The following FAM219B variants were observed in gnomAD, a reference collection of about 807,000 sequenced individuals.
FAM219B encodes the protein family with sequence similarity 219 member B.
A neutral mutation model predicts 19.9 loss-of-function variants in FAM219B; 18 were observed. The ratio of observed to expected loss-of-function variants is 0.91; its 90% CI spans 0.63 to 1.34. The LOEUF (loss-of-function observed/expected upper bound fraction) is 1.34. FAM219B is among the 40% of genes most tolerant of loss of function. FAM219B has a pLI of 0.00. For missense variants in FAM219B, 283 were observed against 270.5 expected (o/e 1.05, Z -0.32); for synonymous variants, 123 against 117.5 (o/e 1.05, Z -0.30).
rs894515412 is a variant in FAM219B at position 74,900,840 on chromosome 15, A to T, written c.*1779T>A. On this transcript the variant is annotated 3_prime_UTR_variant, in exon 5 of 5. Coordinates refer to ENST00000357635, the MANE Select transcript of FAM219B (RefSeq NM_020447.5). ...CTGTGATGCTCCTAGCTAGTAGAGT[A>T]AGTCAGCCCCCAGATACTGTATATT... 4 of 152,190 alleles carry T rather than the reference A, an allele frequency of 2.6e-5. No homozygotes were observed. The highest frequency in any genetic ancestry group is 9.7e-5 in the African/African-American group (4 of 41,434). 9.4% of individuals were successfully genotyped at this position (152,190 alleles called of 1,614,324 possible). A position where few individuals can be genotyped will look rare whatever the true frequency, so the allele number is the denominator to read the frequency against.
chr15:74,906,490 C>T (rs1470355153), intron 1 of FAM219B, 97 bp downstream of exon 1: 2 of 1,494,488 alleles, frequency 1.3e-6, no homozygotes, highest in Admixed American at 4.6e-5. Flanking sequence ...AACCCCTTCC[C>T]TCCGGGGCCG....
chr15:74,902,577 G>A lies in FAM219B; in HGVS notation c.*42C>T. The A allele has an allele frequency of 1.3e-6, 2 of 1,557,470 alleles. No individual in the cohort carries two copies. Among genetic ancestry groups the A allele is most frequent in the East Asian group, 2.3e-5 (1 of 44,228 alleles). On this transcript the variant is annotated 3_prime_UTR_variant, in exon 5 of 5. Transcript: ENST00000357635. ...AGCTATGAGTGGCCAACAGGGCTCTGTAGGCCTCATGGTGAGCAGGGCCCA... is the reference window on the plus strand; with the variant it reads ...AGCTATGAGTGGCCAACAGGGCTCTATAGGCCTCATGGTGAGCAGGGCCCA...
At chr15:74,902,834 G>T in intron 4 of FAM219B, 48 bp from the exon 5 acceptor site, 1 of 1,563,448 alleles carries the variant, frequency 6.4e-7, no homozygotes, top group Non-Finnish European at 8.7e-7. Context: ...CAAAGCAGAA[G>T]TAACTGCTAC....
intron 2 of FAM219B, 39 bp downstream of exon 2, chr15:74,906,239 T>G: frequency 6.2e-7 from 1 of 1,603,270 alleles, no homozygotes; most frequent in African/African-American, 1.3e-5. Context: ...AAGCCTTCTC[T>G]AAAGCTGCTG....
chr15:74,906,543 C>T (rs1402683504), intron 1 of FAM219B, 44 bp downstream of exon 1: 5 of 1,468,382 alleles, frequency 3.4e-6, no homozygotes, highest in Non-Finnish European at 4.5e-6. Context: ...GACGCGGCCG[C>T]CCGCCCAGGG....
intron 1 of FAM219B, 109 bp downstream of exon 1, chr15:74,906,478 C>T: frequency 6.6e-7 from 1 of 1,519,528 alleles, no homozygotes; most frequent in Non-Finnish European, 8.9e-7. Flanking sequence ...CAGGCTGCAG[C>T]TAACCCCTTC....
Position 74,902,144 on chromosome 15 carries a change from G to A in FAM219B, c.*475C>T. 2.5e-6 allele frequency: 1 copy of A among 398,752 alleles called. No individual in the cohort carries two copies. Among genetic ancestry groups the A allele is most frequent in the African/African-American group, 2.1e-5 (1 of 48,770 alleles). The allele number at this position is 398,752 out of a possible 1,614,324, so 24.7% of individuals were successfully genotyped here. A position where few individuals can be genotyped will look rare whatever the true frequency, so the allele number is the denominator to read the frequency against. ...CCATCTTAGAGCTAGGAAGAATAGA[G>A]CAAACGGAATTTCTCGAACTGGTCT... On this transcript the variant is annotated 3_prime_UTR_variant, in exon 5 of 5. Coordinates refer to ENST00000357635, the MANE Select transcript of FAM219B (RefSeq NM_020447.5).
chr15:74,902,700 G>A lies in FAM219B; in HGVS notation c.516C>T (p.Ile172=), dbSNP rs1595837234. Residue 172 remains isoleucine, a synonymous_variant, in exon 5 of 5, where the codon ATC becomes ATT. Transcript: ENST00000357635. ...EIPDDEDLDL[I]PPKPMASSTC... ...TTGAAGAGGCCATGGGCTTAGGGGGGATGAGGTCCAAGTCCTCGTCATCTG... is the reference window on the plus strand; with the variant it reads ...TTGAAGAGGCCATGGGCTTAGGGGGAATGAGGTCCAAGTCCTCGTCATCTG... 2 of 1,613,210 alleles carry A rather than the reference G, an allele frequency of 1.2e-6. No individual in the cohort carries two copies. Among genetic ancestry groups the A allele is most frequent in the Non-Finnish European group, 1.7e-6 (2 of 1,179,590 alleles).
chr15:74,899,574 T>C (rs1227331122), downstream of FAM219B: 1 of 152,244 alleles, frequency 6.6e-6, no homozygotes, highest in Non-Finnish European at 1.5e-5. Flanking sequence ...CCAGAAGGAA[T>C]TGCTGTAGTC....
At chr15:74,906,546 G>A in intron 1 of FAM219B, 41 bp downstream of exon 1, 1 of 1,470,710 alleles carries the variant, frequency 6.8e-7, no homozygotes. Context: ...GCGGCCGCCC[G>A]CCCAGGGAGA....
In FAM219B at chr15:74,905,156, G is replaced by A. The variant is rs146227598; in HGVS notation, c.378C>T (p.Asp126=). ...PDENLVSLDS[D]SDGELGSRYS... The stretch of plus-strand genomic sequence containing the variant: ...GTATTTCCAAGGGGAGCACTCACCT[G>A]TCAGAGTCGAGGGACACCAGGTTTT... The change falls in exon 3 of 5, where the codon GAC becomes GAT. Residue 126 remains aspartate (D), a splice_region_variant and synonymous_variant. Coordinates refer to ENST00000357635, the MANE Select transcript of FAM219B (RefSeq NM_020447.5). 2.9e-5 allele frequency: 47 copies of A among 1,613,980 alleles called. No individual in the cohort carries two copies. The Middle Eastern group carries it at 8.2e-4, about 28-fold the overall frequency.
chr15:74,901,020 G>A lies in FAM219B; in HGVS notation c.*1599C>T, dbSNP rs761870902. On this transcript the variant is annotated 3_prime_UTR_variant, in exon 5 of 5. Transcript: ENST00000357635. ...CATCTTCTAGTCACCCCTTGTGGTA[G>A]AGCGAAAAGAGTGTGTTGTCCCTCT... 2.0e-5 allele frequency: 3 copies of A among 152,252 alleles called. No homozygotes were observed. The highest frequency in any genetic ancestry group is 7.2e-5 in the African/African-American group (3 of 41,452). The allele number at this position is 152,252 out of a possible 1,614,324, so 9.4% of individuals were successfully genotyped here.
At position 74,902,629 on chromosome 15, in the gene FAM219B, G is replaced by A. The variant is rs1337165250; in HGVS notation, c.587C>T (p.Thr196Ile). The A allele has an allele frequency of 1.2e-6, 2 of 1,609,872 alleles. No individual in the cohort carries two copies. Among genetic ancestry groups the A allele is most frequent in the East Asian group, 2.2e-5 (1 of 44,840 alleles). Residue 196 changes from threonine to isoleucine, a missense_variant, in exon 5 of 5, where the codon ACC becomes ATC. Coordinates refer to ENST00000357635, the MANE Select transcript of FAM219B (RefSeq NM_020447.5). The stretch of plus-strand genomic sequence containing the variant: ...CTTGGAGGGTAATGTCTACTGGAGG[G>A]TACAGGAAGAAGAGTCCCCAAGACA... Reference protein sequence around the residue: ...WCCLGDSSSCTLQ With the variant: ...WCCLGDSSSCILQ
chr15:74,906,218 C>G, intron 2 of FAM219B, 60 bp downstream of exon 2: 1 of 1,571,968 alleles, frequency 6.4e-7, no homozygotes, highest in Admixed American at 1.8e-5. Context: ...CTGCCTCCGT[C>G]CTGGGGATTA....
downstream of FAM219B, chr15:74,897,969 C>T: frequency 1.7e-6 from 1 of 573,166 alleles, no homozygotes; most frequent in Non-Finnish European, 3.2e-6. Flanking sequence ...TCTTCCCTCT[C>T]TACTCCTCGC....
At chr15:74,906,231 G>A (rs1409357417) in intron 2 of FAM219B, 47 bp downstream of exon 2, 1 of 1,593,564 alleles carries the variant, frequency 6.3e-7, no homozygotes, top group Non-Finnish European at 8.6e-7. Context: ...GGGGATTAAA[G>A]CCTTCTCTAA....
At position 74,901,743 on chromosome 15, in the gene FAM219B, C is replaced by T. The variant is rs2064967557; in HGVS notation, c.*876G>A. ...TAAAAAGTAAACAATAGGAAGGCACCGGACTGCTCCCTGTAGCTCCCTCTG... is the reference window on the plus strand; with the variant it reads ...TAAAAAGTAAACAATAGGAAGGCACTGGACTGCTCCCTGTAGCTCCCTCTG... On this transcript the variant is annotated 3_prime_UTR_variant, in exon 5 of 5. Transcript: ENST00000357635. 1 of 199,132 alleles carries T rather than the reference C, an allele frequency of 5.0e-6. No homozygotes were observed. Among genetic ancestry groups the T allele is most frequent in the Non-Finnish European group, 1.0e-5 (1 of 99,822 alleles). 12.3% of individuals were successfully genotyped at this position (199,132 alleles called of 1,614,324 possible).
chr15:74,899,741 A>C (rs576342258), downstream of FAM219B: 1 of 152,316 alleles, frequency 6.6e-6, no homozygotes, highest in Admixed American at 6.5e-5. Flanking sequence ...CTTCTGCCTC[A>C]GCTCCTGAGT....
intron 4 of FAM219B, among the ~76,000 whole-genome samples, chr15:74,904,357 G>A (rs552039259): frequency 6.6e-6 from 1 of 152,270 alleles, no homozygotes; most frequent in South Asian, 2.1e-4. Flanking sequence ...TGGAACTCCT[G>A]GGCTCAAGCA....
Sources: gnomAD v4.1 joint callset for allele counts (sites outside exome capture counted in the v4.1 genomes callset) on GRCh38, gnomAD v4.1.1 for gene constraint, MANE v1.5 for transcripts, NCBI Gene and HGNC (gene_info 2026-07-23, HGNC 2026-07-21) for gene names.